The following BTF3 variants were observed in gnomAD, a reference collection of about 807,000 sequenced individuals.
BTF3 encodes the protein basic transcription factor 3.
A neutral mutation model predicts 23.9 loss-of-function variants in BTF3; 12 were observed. That is an observed-to-expected ratio of 0.50 (90% confidence interval 0.32 to 0.81). The LOEUF (loss-of-function observed/expected upper bound fraction) is 0.81, where lower values mean the gene tolerates loss of function less well. Ranked by LOEUF, BTF3 falls within the 40% of genes least tolerant of loss-of-function variation. The probability of loss-of-function intolerance (pLI) is 0.03; values close to 1 mark genes in which losing one functional copy is unlikely to be tolerated. For synonymous variants in BTF3, 96 were observed against 94.8 expected (o/e 1.01, Z -0.07); for missense variants, 215 against 255.9 (o/e 0.84, Z 1.09).
Position 73,498,507 on chromosome 5 carries a change from C to G in BTF3, c.-161C>G. 2.8e-6 allele frequency: 3 copies of G among 1,088,120 alleles called. No homozygotes were observed. Among genetic ancestry groups the G allele is most frequent in the Non-Finnish European group, 3.7e-6 (3 of 818,628 alleles). 67.4% of individuals were successfully genotyped at this position (1,088,120 alleles called of 1,614,324 possible). A position where few individuals can be genotyped will look rare whatever the true frequency, so the allele number is the denominator to read the frequency against. ...AATCTCAGGTGGTCCACCCGAGACCCCTTGAGCACCAACCCTAGTCCCCCG... is the reference window on the plus strand; with the variant it reads ...AATCTCAGGTGGTCCACCCGAGACCGCTTGAGCACCAACCCTAGTCCCCCG... On this transcript the variant is annotated 5_prime_UTR_variant, in exon 1 of 6. Coordinates refer to ENST00000380591, the MANE Select transcript of BTF3 (RefSeq NM_001037637.2).
At chr5:73,503,248 C>G in intron 4 of BTF3, 131 bp downstream of exon 4, 1 of 958,298 alleles carries the variant, frequency 1.0e-6, no homozygotes, top group Middle Eastern at 3.4e-4. Flanking sequence ...AGATTTGTAA[C>G]TGATTTTAAG....
At chr5:73,499,276 C>T (rs751870387) in intron 2 of BTF3, 74 bp downstream of exon 2, 19 of 1,483,610 alleles carry the variant, frequency 1.3e-5, no homozygotes, top group Admixed American at 1.7e-5. Flanking sequence ...ATTCCTTTTG[C>T]GCTTCTTATA....
Position 73,505,320 on chromosome 5 carries a change from T to C in BTF3, c.*82T>C. On this transcript the variant is annotated 3_prime_UTR_variant, in exon 6 of 6. Transcript: ENST00000380591. ...TATTATGACTGCTTTTTAAGAAATT[T>C]TTGTTTATGGATCTGATAAAATCTA... 1 of 1,301,728 alleles carries C rather than the reference T, an allele frequency of 7.7e-7. No individual in the cohort carries two copies. 80.6% of individuals were successfully genotyped at this position (1,301,728 alleles called of 1,614,324 possible).
chr5:73,502,147 A>G (rs1311323741), intron 2 of BTF3, among the ~76,000 whole-genome samples: 1 of 141,122 alleles, frequency 7.1e-6, no homozygotes, highest in African/African-American at 2.9e-5. Flanking sequence ...CGACACAGTG[A>G]GACCCTGTCT....
chr5:73,503,131 T>A lies in BTF3; in HGVS notation c.517+14T>A. On this transcript the variant is annotated intron_variant, in intron 4 of 5. Transcript: ENST00000380591. ...TGCCCAAACAATGTGAGTTTCCTAGTAATGGTTTTACCAGGGAATTACTCA... is the reference window on the plus strand; with the variant it reads ...TGCCCAAACAATGTGAGTTTCCTAGAAATGGTTTTACCAGGGAATTACTCA... 1 of 1,610,498 alleles carries A rather than the reference T, an allele frequency of 6.2e-7. No individual in the cohort carries two copies. The highest frequency in any genetic ancestry group is 8.5e-7 in the Non-Finnish European group (1 of 1,177,476).
intron 2 of BTF3, among the ~76,000 whole-genome samples, chr5:73,500,891 T>G (rs1412739111): frequency 6.6e-6 from 1 of 152,150 alleles, no homozygotes; most frequent in Non-Finnish European, 1.5e-5. Context: ...TCAAAGTGAT[T>G]TTTGTACTTA....
intron 3 of BTF3, 24 bp downstream of exon 3, chr5:73,502,625 T>G (rs571978226): frequency 8.4e-6 from 13 of 1,540,276 alleles, no homozygotes; most frequent in African/African-American, 1.4e-5. Context: ...TTTGTTACTT[T>G]AAAAAACAAG....
intron 4 of BTF3, 55 bp from the exon 5 acceptor site, chr5:73,504,292 T>G (rs1746506299): frequency 1.5e-6 from 1 of 661,236 alleles, no homozygotes; most frequent in South Asian, 2.5e-5. Context: ...TTTTTTTTTT[T>G]GGTGAATATT....
chr5:73,498,505 C>A lies in BTF3; in HGVS notation c.-163C>A. The A allele has an allele frequency of 9.6e-7, 1 of 1,047,076 alleles. No homozygotes were observed. The highest frequency in any genetic ancestry group is 1.3e-6 in the Non-Finnish European group (1 of 782,968). The allele number at this position is 1,047,076 out of a possible 1,614,324, so 64.9% of individuals were successfully genotyped here. A position where few individuals can be genotyped will look rare whatever the true frequency, so the allele number is the denominator to read the frequency against. On this transcript the variant is annotated 5_prime_UTR_variant, in exon 1 of 6. Transcript: ENST00000380591. ...CTAATCTCAGGTGGTCCACCCGAGA[C>A]CCCTTGAGCACCAACCCTAGTCCCC...
intron 2 of BTF3, chr5:73,499,733 C>A: frequency 5.8e-6 from 1 of 170,962 alleles, no homozygotes; most frequent in Non-Finnish European, 1.3e-5. Context: ...CCTGTTCTGA[C>A]TTTGTATTAC....
intron 1 of BTF3, 58 bp downstream of exon 1, chr5:73,498,857 C>T: frequency 1.3e-6 from 2 of 1,491,416 alleles, no homozygotes; most frequent in South Asian, 1.3e-5. Flanking sequence ...AGGCCGAGGC[C>T]AGGCCAGGGC....
intron 2 of BTF3, among the ~76,000 whole-genome samples, chr5:73,501,755 A>G (rs1034246762): frequency 2.0e-5 from 3 of 152,132 alleles, no homozygotes; most frequent in African/African-American, 7.2e-5. Context: ...AAGTTAAGGT[A>G]AGGGCTTCAG....
chr5:73,504,925 G>T (rs1746521603), intron 5 of BTF3: 5 of 361,054 alleles, frequency 1.4e-5, no homozygotes, highest in Non-Finnish European at 2.0e-5. Flanking sequence ...TGCATAGACA[G>T]GTATCCTTAG....
chr5:73,499,323 A>G, intron 2 of BTF3, 121 bp downstream of exon 2: 1 of 1,088,496 alleles, frequency 9.2e-7, no homozygotes, highest in East Asian at 2.7e-5. Context: ...AGGGAAATTC[A>G]CGGAGCTAGC....
chr5:73,503,420 G>A (rs750194674), intron 4 of BTF3, among the ~76,000 whole-genome samples: 2 of 151,974 alleles, frequency 1.3e-5, no homozygotes, highest in Non-Finnish European at 2.9e-5. Context: ...CTACTTGTAA[G>A]TTTGGAATTG....
chr5:73,504,473 A>G (rs1391462099), intron 5 of BTF3, 70 bp downstream of exon 5: 6 of 1,317,076 alleles, frequency 4.6e-6, no homozygotes, highest in Non-Finnish European at 6.4e-6. Flanking sequence ...TTGTAGGAAA[A>G]ACTACCCAGG....
rs534704945 is a variant in BTF3, at chr5:73,504,060, C to A, written c.518-287C>A. 7.8e-4 allele frequency among the ~76,000 whole-genome samples: 119 copies of A among 152,234 alleles called. 1 individual carries two copies. The highest frequency in any genetic ancestry group is 1.5e-3 in the South Asian group (7 of 4,826). On this transcript the variant is annotated intron_variant, in intron 4 of 5. Transcript: ENST00000380591. ...GGGTTTTACCTGCACTCTAAGAGTT[C>A]CCTACTGCCCTTATACTACCTCAGG...
intron 2 of BTF3, chr5:73,499,639 A>C (rs891279765): frequency 3.7e-6 from 1 of 268,666 alleles, no homozygotes; most frequent in South Asian, 3.9e-5. Flanking sequence ...GCATATTTCA[A>C]GGGTATTTGA....
chr5:73,503,863 G>T lies in BTF3; in HGVS notation c.518-484G>T, dbSNP rs138364972. On this transcript the variant is annotated intron_variant, in intron 4 of 5. Coordinates refer to ENST00000380591, the MANE Select transcript of BTF3 (RefSeq NM_001037637.2). ...CTCTCCTGTGTACGTTCATATTCTT[G>T]TGTGATAAAGGAGAGTGGATGCTTA... 3.9e-5 allele frequency among the ~76,000 whole-genome samples: 6 copies of T among 152,238 alleles called. No homozygotes were observed. In the South Asian group the frequency reaches 1.2e-3, roughly 32 times the overall value.
Sources: allele counts gnomAD v4.1 joint callset (sites outside exome capture counted in the v4.1 genomes callset), GRCh38; gene constraint gnomAD v4.1.1; transcripts MANE v1.5; gene names NCBI Gene and HGNC (gene_info 2026-07-23, HGNC 2026-07-21).